The following SGK1 variants were observed in gnomAD, a reference collection of about 807,000 sequenced individuals.
The protein encoded by SGK1 is serine/threonine-protein kinase Sgk1.
SGK1 carries 26 observed loss-of-function variants against 64.2 expected under a neutral mutation model. The ratio of observed to expected loss-of-function variants is 0.40; its 90% CI spans 0.30 to 0.56. The LOEUF (loss-of-function observed/expected upper bound fraction) is 0.56, where lower values mean the gene tolerates loss of function less well. Ranked by LOEUF, SGK1 falls within the 20% of genes least tolerant of loss-of-function variation. The pLI is 0.38. For synonymous variants in SGK1, 265 were observed against 239.7 expected (o/e 1.11, Z -0.98); for missense variants, 519 against 645.6 (o/e 0.80, Z 2.12).
chr6:134,200,670 A>C (rs1224755884), intron 3 of SGK1, among the ~76,000 whole-genome samples: 2 of 152,180 alleles, frequency 1.3e-5, no homozygotes, highest in African/African-American at 4.8e-5. Context: ...TTGGGAGGCC[A>C]AGGCAGGTGG....
At position 134,292,621 on chromosome 6, in the gene SGK1, G is replaced by A. The variant is rs559220680; in HGVS notation, c.69+24771C>T. Among the ~76,000 whole-genome samples the A allele has an allele frequency of 3.9e-5, 6 of 152,162 alleles. No homozygotes were observed. In the South Asian group the frequency reaches 1.2e-3, roughly 32 times the overall value. The stretch of plus-strand genomic sequence containing the variant: ...AAAAGAAAATGAAGCCCAGGAATAG[G>A]TTATATGTTCTAGGAGAAGGAATTA... On this transcript the variant is annotated intron_variant, in intron 1 of 13. Transcript: ENST00000367858.
Position 134,170,204 on chromosome 6 carries a change from A to T in SGK1, c.*64T>A, listed in dbSNP as rs1026686420. ...TGTCCTGTCAGCTGGCGGCTCCACC[A>T]AAAGGCTAACTAAAACATTCGGAAA... On this transcript the variant is annotated 3_prime_UTR_variant, in exon 14 of 14. Coordinates refer to ENST00000367858, the MANE Select transcript of SGK1 (RefSeq NM_001143676.3). 5.5e-6 allele frequency: 8 copies of T among 1,442,076 alleles called. No homozygotes were observed. The African/African-American group carries it at 1.1e-4, about 20-fold the overall frequency. The allele number at this position is 1,442,076 out of a possible 1,614,324, so 89.3% of individuals were successfully genotyped here. A position where few individuals can be genotyped will look rare whatever the true frequency, so the allele number is the denominator to read the frequency against.
intron 1 of SGK1, chr6:134,298,555 C>A: frequency 1.2e-6 from 1 of 835,394 alleles, no homozygotes; most frequent in East Asian, 2.5e-5. Context: ...CCCAGGCTAC[C>A]CTGGAAGCTG....
intron 3 of SGK1, among the ~76,000 whole-genome samples, chr6:134,204,131 T>C (rs1053715243): frequency 1.3e-5 from 2 of 148,884 alleles, no homozygotes; most frequent in Non-Finnish European, 1.5e-5. Flanking sequence ...AAAGCAAAAA[T>C]TGACTGAATT....
intron 1 of SGK1, among the ~76,000 whole-genome samples, chr6:134,283,465 T>C (rs1041699490): frequency 6.6e-6 from 1 of 151,470 alleles, no homozygotes; most frequent in Non-Finnish European, 1.5e-5. Flanking sequence ...GACTGCAGCC[T>C]CAGTGGCAGA....
chr6:134,230,718 A>G (rs1776264578), intron 2 of SGK1, among the ~76,000 whole-genome samples: 1 of 152,166 alleles, frequency 6.6e-6, no homozygotes, highest in Non-Finnish European at 1.5e-5. Context: ...CATCTCTACA[A>G]ATAAAATAAA....
chr6:134,206,994 G>A (rs1361655475), intron 3 of SGK1, among the ~76,000 whole-genome samples: 2 of 152,134 alleles, frequency 1.3e-5, no homozygotes, highest in Non-Finnish European at 2.9e-5. Context: ...GGGAGGCCGA[G>A]GCGGGCGAAT....
intron 2 of SGK1, among the ~76,000 whole-genome samples, 193 bp from the exon 3 acceptor site, chr6:134,207,624 T>G (rs75770085): frequency 1.9e-3 from 292 of 152,304 alleles, no homozygotes; most frequent in Non-Finnish European, 3.5e-3. Flanking sequence ...GGGAAGCCTT[T>G]TAGTCCTGGG....
At chr6:134,254,287 G>A (rs1326337840) in intron 2 of SGK1, among the ~76,000 whole-genome samples, 2 of 152,130 alleles carry the variant, frequency 1.3e-5, no homozygotes, top group African/African-American at 2.4e-5. Context: ...GAGAATACAT[G>A]GACACGCACA....
In SGK1 at chr6:134,251,612, C is replaced by T. The variant is rs374529308; in HGVS notation, c.285+10321G>A. Reference sequence around the variant, plus strand: ...TCCCTTCCAGACTCATCACTGGGAACGCGGCACACTGGTGGGCTATGATTC... The same window carrying T: ...TCCCTTCCAGACTCATCACTGGGAATGCGGCACACTGGTGGGCTATGATTC... On this transcript the variant is annotated intron_variant, in intron 2 of 13. Coordinates refer to ENST00000367858, the MANE Select transcript of SGK1 (RefSeq NM_001143676.3). Among the ~76,000 whole-genome samples the T allele has an allele frequency of 7.9e-5, 12 of 152,184 alleles. No individual in the cohort carries two copies. The South Asian group carries it at 1.0e-3, about 13-fold the overall frequency.
chr6:134,189,856 T>G (rs1246553607), intron 3 of SGK1, among the ~76,000 whole-genome samples: 2 of 152,170 alleles, frequency 1.3e-5, no homozygotes, highest in Non-Finnish European at 2.9e-5. Flanking sequence ...TTGTTTTTTG[T>G]TTGTTTGTTT....
intron 3 of SGK1, among the ~76,000 whole-genome samples, chr6:134,187,824 T>C (rs114306100): frequency 6.6e-6 from 1 of 152,208 alleles, no homozygotes; most frequent in Non-Finnish European, 1.5e-5. Flanking sequence ...TCAGAATAAG[T>C]GTCTACTGCA....
chr6:134,188,296 A>G (rs1775454871), intron 3 of SGK1, among the ~76,000 whole-genome samples: 1 of 151,890 alleles, frequency 6.6e-6, no homozygotes, highest in Non-Finnish European at 1.5e-5. Flanking sequence ...TTTTCCAATC[A>G]TGTTCCTTCC....
rs376485397 is a variant in SGK1, at chr6:134,304,701, C to CAG, written c.69+12689_69+12690dup. 3.4e-3 allele frequency among the ~76,000 whole-genome samples: 502 copies of CAG among 147,154 alleles called. 1 individual carries two copies. The highest frequency in any genetic ancestry group is 0.012 in the African/African-American group (468 of 40,116). ...TGGGGGACAGAGCAAGATCCTGTCT[C>CAG]AGAGAGAGAGAGAGAGAAAGAGAAA... On this transcript the variant is annotated intron_variant, in intron 1 of 13. Coordinates refer to ENST00000367858, the MANE Select transcript of SGK1 (RefSeq NM_001143676.3).
chr6:134,284,910 A>G (rs1327960153), intron 1 of SGK1, among the ~76,000 whole-genome samples: 1 of 152,190 alleles, frequency 6.6e-6, no homozygotes, highest in Non-Finnish European at 1.5e-5. Context: ...GTGTGTATAT[A>G]TCACATTTTT....
At chr6:134,303,290 G>T (rs1290715708) in intron 1 of SGK1, among the ~76,000 whole-genome samples, 1 of 152,000 alleles carries the variant, frequency 6.6e-6, no homozygotes, top group African/African-American at 2.4e-5. Flanking sequence ...TACTCAGGAG[G>T]CTGAGGCAGG....
intron 1 of SGK1, among the ~76,000 whole-genome samples, chr6:134,316,742 CCAAA>C (rs1777690408): frequency 9.9e-6 from 1 of 100,630 alleles, no homozygotes; most frequent in East Asian, 3.2e-4. Context: ...CTGCTCTCTC[CCAAA>C]AAAAAAAAAA....
intron 2 of SGK1, chr6:134,257,274 A>G (rs907946845): frequency 3.9e-5 from 6 of 152,268 alleles, no homozygotes; most frequent in African/African-American, 1.4e-4. Context: ...ATGGTGGCGC[A>G]TGCCTGTAAT....
intron 2 of SGK1, among the ~76,000 whole-genome samples, chr6:134,221,333 T>C (rs935520131): frequency 2.6e-5 from 4 of 152,110 alleles, no homozygotes; most frequent in African/African-American, 9.6e-5. Context: ...GTTTGCTTTA[T>C]CAATTGAATA....
Sources: gnomAD v4.1 joint callset for allele counts (sites outside exome capture counted in the v4.1 genomes callset) on GRCh38, gnomAD v4.1.1 for gene constraint, MANE v1.5 for transcripts, NCBI Gene and HGNC (gene_info 2026-07-23, HGNC 2026-07-21) for gene names.